Variants in SLC26A5 observed in about 807,000 individuals in gnomAD.
SLC26A5 encodes the protein solute carrier family 26 member 5.
Under a neutral mutation model 81.0 loss-of-function variants are expected in SLC26A5, and 51 were observed. The observed-to-expected ratio is 0.63, with a 90% CI of 0.50 to 0.80. The LOEUF is 0.80. SLC26A5 is among the 30% of genes least tolerant of loss of function. SLC26A5 has a pLI of 0.00. For missense variants in SLC26A5, 771 were observed against 905.8 expected, an observed-to-expected ratio of 0.85 and a Z score of 1.91; for synonymous variants, 325 against 332.8, an observed-to-expected ratio of 0.98 and a Z score of 0.25.
At chr7:103,378,383 G>T in intron 17 of SLC26A5, 63 bp downstream of exon 17, 2 of 1,488,608 alleles carry the variant, frequency 1.3e-6, no homozygotes, top group Non-Finnish European at 1.9e-6. Context: ...TCAGTCATGA[G>T]TAAAGATGGA....
intron 19 of SLC26A5, among the ~76,000 whole-genome samples, chr7:103,375,772 T>C (rs941188646): frequency 5.3e-5 from 8 of 151,548 alleles, no homozygotes; most frequent in African/African-American, 1.9e-4. Context: ...CTTTTCTTTT[T>C]TGAGACGGAG....
At chr7:103,415,718 T>C (rs1388007842) in intron 4 of SLC26A5, among the ~76,000 whole-genome samples, 1 of 152,260 alleles carries the variant, frequency 6.6e-6, no homozygotes, top group Non-Finnish European at 1.5e-5. Flanking sequence ...ACTTTTTTTC[T>C]TTCTAGTCTG....
chr7:103,408,107 A>C, intron 7 of SLC26A5, 104 bp from the exon 8 acceptor site: 1 of 1,463,360 alleles, frequency 6.8e-7, no homozygotes, highest in Non-Finnish European at 9.5e-7. Flanking sequence ...GTTATTGGAT[A>C]TTTCTAGTGG....
Position 103,367,296 on chromosome 7 carries a change from G to C in SLC26A5, c.2041+9512C>G. ...TTCTTACAGGATTTGCTTCAAAGTG[G>C]GATGTCACTTGTGCCTGAGGACATG... is the stretch of plus-strand genomic sequence containing the variant. On this transcript the variant is annotated intron_variant, in intron 19 of 19. Transcript: ENST00000339444. This position sits in a 1 kb window ranked among gnomAD's most constrained non-coding sequence, Gnocchi z 6.1. The C allele has an allele frequency of 1.2e-6, 1 of 821,668 alleles. No individual in the cohort carries two copies. Among genetic ancestry groups the C allele is most frequent in the Non-Finnish European group, 2.0e-6 (1 of 506,066 alleles). 50.9% of individuals were successfully genotyped at this position (821,668 alleles called of 1,614,324 possible). A position where few individuals can be genotyped will look rare whatever the true frequency, so the allele number is the denominator to read the frequency against.
intron 2 of SLC26A5, among the ~76,000 whole-genome samples, chr7:103,428,191 AT>A (rs1360304929): frequency 3.3e-5 from 5 of 152,092 alleles, no homozygotes; most frequent in African/African-American, 9.7e-5. Flanking sequence ...TAGAATCTGT[AT>A]TTTTTTAAAG....
chr7:103,441,367 CTAAATT>C (rs1826867216), intron 2 of SLC26A5, among the ~76,000 whole-genome samples: 1 of 152,144 alleles, frequency 6.6e-6, no homozygotes, highest in Non-Finnish European at 1.5e-5. Flanking sequence ...AGTCCTAACT[CTAAATT>C]TAAGAAGAAT....
At chr7:103,375,676 C>T (rs1363009520) in intron 19 of SLC26A5, among the ~76,000 whole-genome samples, 1 of 152,090 alleles carries the variant, frequency 6.6e-6, no homozygotes, top group African/African-American at 2.4e-5. Flanking sequence ...TCAAGCGATC[C>T]TCCTACCTTG....
intron 2 of SLC26A5, among the ~76,000 whole-genome samples, chr7:103,431,837 C>A (rs1379939191): frequency 6.6e-6 from 1 of 150,492 alleles, no homozygotes; most frequent in African/African-American, 2.5e-5. Context: ...GAATCGAGAA[C>A]TACTGCTCTA....
chr7:103,374,728 C>G (rs1821231310), intron 19 of SLC26A5, 136 bp from the exon 20 acceptor site: 4 of 811,768 alleles, frequency 4.9e-6, no homozygotes, highest in East Asian at 5.7e-5. Context: ...GAGACAGAGT[C>G]TCACTCTGTC....
At chr7:103,428,217 C>A (rs965160563) in intron 2 of SLC26A5, among the ~76,000 whole-genome samples, 8 of 152,022 alleles carry the variant, frequency 5.3e-5, no homozygotes, top group Non-Finnish European at 2.9e-5. Flanking sequence ...TGGAGTGAGA[C>A]TGATGCACAA....
intron 19 of SLC26A5, chr7:103,362,373 A>G (rs1820461383): frequency 3.0e-6 from 4 of 1,340,194 alleles, no homozygotes; most frequent in Non-Finnish European, 3.8e-6. Context: ...TTGGGGGAGT[A>G]CTTGCTTTAG....
At chr7:103,393,129 C>T (rs1408669508) in intron 9 of SLC26A5, 63 bp from the exon 10 acceptor site, 19 of 1,590,054 alleles carry the variant, frequency 1.2e-5, no homozygotes, top group Non-Finnish European at 1.5e-5. Flanking sequence ...AAAAACCTTG[C>T]GACTGCAGGG....
chr7:103,388,011 C>T (rs1822332578), intron 14 of SLC26A5, among the ~76,000 whole-genome samples: 1 of 151,900 alleles, frequency 6.6e-6, no homozygotes, highest in African/African-American at 2.4e-5. Flanking sequence ...ACAATGTTTC[C>T]TTTTCATCTT....
chr7:103,434,414 G>C (rs983956129), intron 2 of SLC26A5, among the ~76,000 whole-genome samples: 2 of 152,068 alleles, frequency 1.3e-5, no homozygotes, highest in East Asian at 3.9e-4. Flanking sequence ...TGTAACAATT[G>C]TATCTCTGCA....
At chr7:103,373,066 G>A (rs1018468538), downstream of SLC26A5, among the ~76,000 whole-genome samples, 5 of 152,094 alleles carry the variant, frequency 3.3e-5, no homozygotes, top group African/African-American at 7.2e-5. Flanking sequence ...ACTAACAAAC[G>A]GAGAAGAAAT....
chr7:103,389,374 C>A lies in SLC26A5; in HGVS notation c.1362G>T (p.Gln454His). The change falls in exon 13 of 20, where the codon CAG (glutamine) becomes CAT (histidine). Residue 454 changes from glutamine (Q) to histidine (H), a missense_variant. Physicochemically the swap from Gln to His is conservative, Grantham distance 24. Transcript: ENST00000306312. Reference sequence around the variant, plus strand: ...TCCAGAAAAAGGGGAGATCTGAGAACTGCATAAACATTCCCTTCAGGTTGA... The same window carrying A: ...TCCAGAAAAAGGGGAGATCTGAGAAATGCATAAACATTCCCTTCAGGTTGA... ...VIVNLKGMFMQFSDLPFFWRT... is the reference protein window; with the variant it reads ...VIVNLKGMFMHFSDLPFFWRT... 1.2e-6 allele frequency: 2 copies of A among 1,614,144 alleles called. No homozygotes were observed. Among genetic ancestry groups the A allele is most frequent in the Non-Finnish European group, 8.5e-7 (1 of 1,180,014 alleles).
In SLC26A5 at chr7:103,365,701, G is replaced by T. The variant is rs539341434; in HGVS notation, c.2041+11107C>A. On this transcript the variant is annotated intron_variant, in intron 19 of 19. Transcript: ENST00000339444. ...TCCCAGCACTTTGGGAGGCTGAGAC[G>T]GGTGGAACATGAGGTCAGGAGTTCA... Among the ~76,000 whole-genome samples the T allele has an allele frequency of 8.5e-4, 130 of 152,174 alleles. 1 individual carries two copies. The South Asian group carries it at 0.026, about 30-fold the overall frequency.
intron 5 of SLC26A5, among the ~76,000 whole-genome samples, chr7:103,412,549 T>TTTG (rs1356636795): frequency 2.3e-4 from 31 of 134,258 alleles, no homozygotes; most frequent in African/African-American, 1.1e-3. Flanking sequence ...GTAGTTTTTT[T>TTTG]TTTGTTTTTT....
chr7:103,374,673 A>ACT, intron 19 of SLC26A5, 81 bp from the exon 20 acceptor site: 1 of 1,210,510 alleles, frequency 8.3e-7, no homozygotes, highest in Non-Finnish European at 1.2e-6. Flanking sequence ...ACTTCCATAT[A>ACT]GTGTTTTTTT....
Sources: allele counts gnomAD v4.1 joint callset (sites outside exome capture counted in the v4.1 genomes callset), GRCh38; gene constraint gnomAD v4.1.1; non-coding constraint Gnocchi (gnomAD v3.1); transcripts MANE v1.5; gene names NCBI Gene and HGNC (gene_info 2026-07-23, HGNC 2026-07-21).